DCT: variants seen among roughly 807,000 people sequenced by gnomAD.
The protein encoded by DCT is dopachrome tautomerase, also known as L-dopachrome tautomerase.
In DCT, 47 loss-of-function variants were observed where a neutral mutation model predicts 53.0. The ratio of observed to expected loss-of-function variants is 0.89; its 90% CI spans 0.70 to 1.13. DCT has a LOEUF of 1.13. Among genes scored for constraint, DCT ranks in the 50% most tolerant of loss-of-function variants. DCT has a pLI of 0.00. For missense variants in DCT, 669 were observed against 637.4 expected (o/e 1.05, Z -0.53); for synonymous variants, 244 against 237.0 (o/e 1.03, Z -0.27).
chr13:94,518,143 AAGGAAGGAAG>A, the DCT span, among the ~76,000 whole-genome samples: 3 of 145,486 alleles, frequency 2.1e-5, no homozygotes, highest in African/African-American at 8.1e-5. Flanking sequence ...GGAAGGAAGG[AAGGAAGGAAG>A]GAATGAAGGA....
At chr13:94,451,073 G>C (rs1042515304) in intron 6 of DCT, among the ~76,000 whole-genome samples, 2 of 152,116 alleles carry the variant, frequency 1.3e-5, no homozygotes, top group Non-Finnish European at 2.9e-5. Flanking sequence ...CCCCAGCCTA[G>C]TCCATAGAAA....
upstream of DCT, among the ~76,000 whole-genome samples, chr13:94,479,947 G>T (rs919024200): frequency 6.6e-6 from 1 of 152,214 alleles, no homozygotes; most frequent in African/African-American, 2.4e-5. Flanking sequence ...AGTAGATGCA[G>T]TGAGCTCTTC....
chr13:94,518,835 C>A, the DCT span, among the ~76,000 whole-genome samples: 1 of 152,160 alleles, frequency 6.6e-6, no homozygotes, highest in Non-Finnish European at 1.5e-5. Flanking sequence ...GCATGGACTC[C>A]AGCTCTGCTT....
At chr13:94,497,612 C>T in the DCT span, among the ~76,000 whole-genome samples, 10 of 151,852 alleles carry the variant, frequency 6.6e-5, no homozygotes, top group African/African-American at 1.5e-4. Flanking sequence ...AAAATCATGA[C>T]GAAGAGAAAT....
At chr13:94,524,663 C>T in the DCT span, among the ~76,000 whole-genome samples, 21 of 152,166 alleles carry the variant, frequency 1.4e-4, no homozygotes, top group Non-Finnish European at 1.3e-4. Context: ...GAATTAAAAG[C>T]GTCTTTTCTT....
At chr13:94,534,156 TA>T in the DCT span, among the ~76,000 whole-genome samples, 1 of 151,050 alleles carries the variant, frequency 6.6e-6, no homozygotes, top group Non-Finnish European at 1.5e-5. Flanking sequence ...ATATATTAAA[TA>T]AAAATGTATA....
intron 1 of DCT, among the ~76,000 whole-genome samples, chr13:94,476,023 C>T (rs1271357410): frequency 1.3e-5 from 2 of 152,094 alleles, no homozygotes; most frequent in Non-Finnish European, 2.9e-5. Flanking sequence ...AGGGCCAGGC[C>T]GGGCCTTGAC....
chr13:94,441,773 C>A (rs374171726), intron 7 of DCT, among the ~76,000 whole-genome samples: 1 of 152,138 alleles, frequency 6.6e-6, no homozygotes, highest in South Asian at 2.1e-4. Flanking sequence ...TTGCATCTAC[C>A]TTTTGGCTAT....
chr13:94,464,225 G>A (rs1027604534), intron 4 of DCT, among the ~76,000 whole-genome samples: 3 of 152,214 alleles, frequency 2.0e-5, no homozygotes, highest in Non-Finnish European at 2.9e-5. Context: ...CCCTCAAAAC[G>A]CACACCTATG....
intron 1 of DCT, 90 bp downstream of exon 1, chr13:94,478,869 AAG>A: frequency 7.7e-7 from 1 of 1,298,334 alleles, no homozygotes; most frequent in South Asian, 1.4e-5. Context: ...AGCCTAATCT[AAG>A]AGTCTCTGTC....
the DCT span, among the ~76,000 whole-genome samples, chr13:94,485,920 A>T: frequency 6.6e-6 from 1 of 152,184 alleles, no homozygotes; most frequent in Admixed American, 6.5e-5. Context: ...TTTAGTTCCT[A>T]CGCGTTGCTC....
At chr13:94,536,800 G>A in the DCT span, among the ~76,000 whole-genome samples, 1 of 152,112 alleles carries the variant, frequency 6.6e-6, no homozygotes, top group East Asian at 1.9e-4. Flanking sequence ...AAAATTAGCG[G>A]AGGTGTAGTG....
intron 6 of DCT, among the ~76,000 whole-genome samples, chr13:94,448,956 A>G (rs1471547104): frequency 6.6e-6 from 1 of 152,016 alleles, no homozygotes; most frequent in Admixed American, 6.6e-5. Flanking sequence ...GGTGCCTTTC[A>G]TCTGCTCGAG....
chr13:94,532,438 A>G, the DCT span, among the ~76,000 whole-genome samples: 1,560 of 152,352 alleles, frequency 0.01, 27 homozygotes, highest in African/African-American at 0.035. Flanking sequence ...TGTATACACC[A>G]TGGAATACTA....
intron 6 of DCT, chr13:94,452,590 C>T (rs547271303): frequency 6.6e-6 from 5 of 753,764 alleles, no homozygotes; most frequent in Non-Finnish European, 1.2e-5. Context: ...GCCAGGGATT[C>T]TATTCTCTTT....
At chr13:94,445,778 T>C (rs762137393) in intron 6 of DCT, 23 of 1,553,778 alleles carry the variant, frequency 1.5e-5, no homozygotes, top group Non-Finnish European at 1.9e-5. Context: ...AGACACAAAA[T>C]TTAATAGAAA....
intron 1 of DCT, among the ~76,000 whole-genome samples, chr13:94,473,265 A>T (rs149846420): frequency 6.6e-6 from 1 of 152,168 alleles, no homozygotes; most frequent in Non-Finnish European, 1.5e-5. Context: ...TCAGTACAGT[A>T]TTTAGTAAAT....
chr13:94,438,492 T>C lies in DCT; in HGVS notation c.*1406A>G, dbSNP rs1882052355. On this transcript the variant is annotated 3_prime_UTR_variant, in exon 8 of 8. Coordinates refer to ENST00000377028, the MANE Select transcript of DCT (RefSeq NM_001922.5). ...GTCTTGCACCCTCTAGGACCCCTTA[T>C]GTTGAAGGCAGCTCCAGGGACCTCT... is the stretch of plus-strand genomic sequence containing the variant. The C allele has an allele frequency of 7.1e-6, 3 of 425,244 alleles. No individual in the cohort carries two copies. The highest frequency in any genetic ancestry group is 1.7e-5 in the South Asian group (1 of 58,774). The allele number at this position is 425,244 out of a possible 1,614,324, so 26.3% of individuals were successfully genotyped here. A position where few individuals can be genotyped will look rare whatever the true frequency, so the allele number is the denominator to read the frequency against.
At chr13:94,531,268 T>C in the DCT span, among the ~76,000 whole-genome samples, 93 of 152,328 alleles carry the variant, frequency 6.1e-4, no homozygotes, top group East Asian at 0.017. Flanking sequence ...ACGGACTTTC[T>C]TCATAGAATT....
Sources: allele counts gnomAD v4.1 joint callset (sites outside exome capture counted in the v4.1 genomes callset), GRCh38; gene constraint gnomAD v4.1.1; transcripts MANE v1.5; gene names NCBI Gene and HGNC (gene_info 2026-07-23, HGNC 2026-07-21).